OLA1: variants seen among roughly 807,000 people sequenced by gnomAD.
OLA1 encodes the protein obg-like ATPase 1.
OLA1 carries 14 observed loss-of-function variants against 48.4 expected under a neutral mutation model. The observed-to-expected ratio is 0.29, with a 90% confidence interval of 0.19 to 0.45. OLA1 has a LOEUF of 0.45. Ranked by LOEUF, OLA1 falls within the 20% of genes least tolerant of loss-of-function variation. OLA1 has a pLI of 1.00. For synonymous variants in OLA1, 127 were observed against 150.4 expected, an observed-to-expected ratio of 0.84 and a Z score of 1.14; for missense variants, 325 against 467.1, an observed-to-expected ratio of 0.70 and a Z score of 2.80.
intron 4 of OLA1, among the ~76,000 whole-genome samples, chr2:174,189,939 A>T (rs1351272063): frequency 6.6e-6 from 1 of 152,044 alleles, no homozygotes; most frequent in African/African-American, 2.4e-5. Context: ...AATGATCTGA[A>T]TAAACAACAT....
chr2:174,235,992 C>T (rs1486766585), intron 2 of OLA1, among the ~76,000 whole-genome samples: 1 of 152,036 alleles, frequency 6.6e-6, no homozygotes, highest in Non-Finnish European at 1.5e-5. Flanking sequence ...TAAGTAGCAC[C>T]AGAGCACAAA....
chr2:174,185,457 T>C (rs549233957), intron 4 of OLA1, among the ~76,000 whole-genome samples: 2 of 152,348 alleles, frequency 1.3e-5, no homozygotes, highest in South Asian at 2.1e-4. Context: ...TAGAAATCTA[T>C]AAATAACCAC....
rs1684657887 is a variant in OLA1, at chr2:174,073,637, G to C, written c.*1789C>G. The C allele has an allele frequency of 6.6e-6, 1 of 152,136 alleles. No homozygotes were observed. Among genetic ancestry groups the C allele is most frequent in the African/African-American group, 2.4e-5 (1 of 41,418 alleles). The allele number at this position is 152,136 out of a possible 1,614,324, so 9.4% of individuals were successfully genotyped here. ...GCACAATGTGCAATTTACCACATTA[G>C]AAGCTAGACAAAGTAAAATTGCATG... On this transcript the variant is annotated 3_prime_UTR_variant, in exon 11 of 11. Transcript: ENST00000284719.
chr2:174,087,891 C>T (rs1685020062), intron 7 of OLA1, among the ~76,000 whole-genome samples: 1 of 152,136 alleles, frequency 6.6e-6, no homozygotes, highest in South Asian at 2.1e-4. Flanking sequence ...TGTTGATATA[C>T]ATTAGGACAT....
chr2:174,209,126 G>C (rs1688183089), intron 4 of OLA1, among the ~76,000 whole-genome samples: 1 of 152,158 alleles, frequency 6.6e-6, no homozygotes, highest in South Asian at 2.1e-4. Flanking sequence ...ATGAGATCCA[G>C]CTTCTAAATA....
At chr2:174,135,646 A>T (rs925482471) in intron 5 of OLA1, among the ~76,000 whole-genome samples, 2 of 152,212 alleles carry the variant, frequency 1.3e-5, no homozygotes, top group African/African-American at 4.8e-5. Flanking sequence ...CTAACTAGAG[A>T]TTATGAGGAC....
intron 4 of OLA1, among the ~76,000 whole-genome samples, chr2:174,168,195 G>T (rs1687211786): frequency 6.6e-6 from 1 of 152,186 alleles, no homozygotes; most frequent in Admixed American, 6.5e-5. Flanking sequence ...CTGTAGCGAT[G>T]GAAGAATGCA....
rs573699736 is a variant in OLA1, at chr2:174,102,630, G to A, written c.728+20550C>T. Among the ~76,000 whole-genome samples, 25 of 152,196 alleles carry A rather than the reference G, an allele frequency of 1.6e-4. No homozygotes were observed. The South Asian group carries it at 5.2e-3, about 32-fold the overall frequency. On this transcript the variant is annotated intron_variant, in intron 7 of 10. Transcript: ENST00000284719. ...TAATCATGATCTACTTTCCAGACTA[G>A]CTTTCCTTCGAATAAGGGAAATCTG...
chr2:174,240,098 G>A (rs1036333307), intron 2 of OLA1: 60 of 152,166 alleles, frequency 3.9e-4, no homozygotes, highest in African/African-American at 1.4e-3. Context: ...GCAACTGTGA[G>A]TTTTTTTAAG....
intron 4 of OLA1, among the ~76,000 whole-genome samples, chr2:174,163,711 AATATATATATAT>A (rs58320338): frequency 2.9e-3 from 99 of 34,342 alleles, no homozygotes; most frequent in Admixed American, 6.4e-3. Flanking sequence ...TAAATAAATA[AATATATATATAT>A]ATATATATAT....
At chr2:174,129,350 C>T (rs1360711988) in intron 5 of OLA1, among the ~76,000 whole-genome samples, 3 of 151,616 alleles carry the variant, frequency 2.0e-5, no homozygotes, top group Non-Finnish European at 4.4e-5. Flanking sequence ...CCCAGCTACT[C>T]GGGAGGCTGA....
At position 174,093,264 on chromosome 2, in the gene OLA1, T is replaced by C. The variant is rs927121271; in HGVS notation, c.729-11200A>G. Among the ~76,000 whole-genome samples, 4 of 152,118 alleles carry C rather than the reference T, an allele frequency of 2.6e-5. No homozygotes were observed. In the South Asian group the frequency reaches 6.2e-4, roughly 24 times the overall value. ...GAATTCAAGAATAGCCTGAGCAACA[T>C]AGTGAGACCCCATCTCTATGAATAA... On this transcript the variant is annotated intron_variant, in intron 7 of 10. Coordinates refer to ENST00000284719, the MANE Select transcript of OLA1 (RefSeq NM_013341.5).
intron 4 of OLA1, among the ~76,000 whole-genome samples, chr2:174,159,420 A>C (rs1213063425): frequency 6.6e-6 from 1 of 152,156 alleles, no homozygotes; most frequent in East Asian, 1.9e-4. Context: ...TTTTATAAAC[A>C]AAGGTACACA....
At chr2:174,200,906 C>G (rs965843899) in intron 4 of OLA1, among the ~76,000 whole-genome samples, 3 of 152,146 alleles carry the variant, frequency 2.0e-5, no homozygotes, top group Admixed American at 2.0e-4. Context: ...AATACTGATT[C>G]ATTGATACTA....
At chr2:174,189,168 C>G (rs1687721665) in intron 4 of OLA1, among the ~76,000 whole-genome samples, 1 of 151,902 alleles carries the variant, frequency 6.6e-6, no homozygotes, top group South Asian at 2.1e-4. Flanking sequence ...AAGGTAGGAT[C>G]TAGGTCTCAG....
In OLA1 at chr2:174,246,737, T is replaced by C. The variant is rs1189226495; in HGVS notation, c.79A>G (p.Ile27Val). The C allele has an allele frequency of 3.1e-6, 5 of 1,610,658 alleles. No homozygotes were observed. In the East Asian group the frequency reaches 1.1e-4, roughly 36 times the overall value. Residue 27 changes from isoleucine (I) to valine (V), a missense_variant, in exon 2 of 11, where the codon ATT (isoleucine) becomes GTT (valine). Transcript: ENST00000284719. ...TACCCAACATTTGGCAATCCAACAATACCAATTTTCAGTGAGGTTCCAAAT... is the reference window on the plus strand; with the variant it reads ...TACCCAACATTTGGCAATCCAACAACACCAATTTTCAGTGAGGTTCCAAAT... ...GRFGTSLKIG[I>V]VGLPNVGKST...
chr2:174,219,580 A>C (rs1204407172), intron 4 of OLA1, among the ~76,000 whole-genome samples: 1 of 151,764 alleles, frequency 6.6e-6, no homozygotes, highest in African/African-American at 2.4e-5. Context: ...GGCACATGCC[A>C]CCATACCCAG....
intron 3 of OLA1, among the ~76,000 whole-genome samples, chr2:174,226,807 G>A (rs1688626784): frequency 6.6e-6 from 1 of 152,100 alleles, no homozygotes; most frequent in South Asian, 2.1e-4. Context: ...CCTTATTAAT[G>A]TTCTTCAATA....
rs573001392 is a variant in OLA1, at chr2:174,143,771, G to A, written c.374-1771C>T. On this transcript the variant is annotated intron_variant, in intron 4 of 10. Coordinates refer to ENST00000284719, the MANE Select transcript of OLA1 (RefSeq NM_013341.5). ...CCAAAGAAAAAAAGAGAATAAAGGA[G>A]GAAGGGGAAGAAATCATGTGTCTAT... Among the ~76,000 whole-genome samples, 16 of 152,268 alleles carry A rather than the reference G, an allele frequency of 1.1e-4. 1 individual carries two copies. In the South Asian group the frequency reaches 3.3e-3, roughly 32 times the overall value.
Sources: gnomAD v4.1 joint callset for allele counts (sites outside exome capture counted in the v4.1 genomes callset) on GRCh38, gnomAD v4.1.1 for gene constraint, MANE v1.5 for transcripts, NCBI Gene and HGNC (gene_info 2026-07-23, HGNC 2026-07-21) for gene names.